Variants in HECW1 observed in about 807,000 individuals in gnomAD.
The protein encoded by HECW1 is E3 ubiquitin-protein ligase HECW1.
In HECW1, 61 loss-of-function variants were observed where a neutral mutation model predicts 182.3. The ratio of observed to expected loss-of-function variants is 0.33; its 90% CI spans 0.27 to 0.41. The LOEUF (loss-of-function observed/expected upper bound fraction) is 0.41, where lower values mean the gene tolerates loss of function less well. Ranked by LOEUF, HECW1 falls within the 10% of genes least tolerant of loss-of-function variation. The pLI, the probability that HECW1 is intolerant of heterozygous loss-of-function variation, is 1.00. For missense variants in HECW1, 1,739 were observed against 2,108.9 expected, an observed-to-expected ratio of 0.82 and a Z score of 3.44; for synonymous variants, 859 against 832.6, an observed-to-expected ratio of 1.03 and a Z score of -0.55.
rs73092857 is a variant in HECW1, at chr7:43,327,352, C to T, written c.460+6610C>T. 6.7e-3 allele frequency among the ~76,000 whole-genome samples: 1,024 copies of T among 152,242 alleles called. 7 individuals are homozygous for T. Among genetic ancestry groups the T allele is most frequent in the Middle Eastern group, 0.031 (9 of 294 alleles). On this transcript the variant is annotated intron_variant, in intron 5 of 29. Transcript: ENST00000395891. ...CCGTGGAAACCAAGACTCCCCCCAC[C>T]GCTGCCCACCCACTTTAGCACTACG...
chr7:43,560,297 C>A (rs2082167680), intron 29 of HECW1, among the ~76,000 whole-genome samples: 1 of 152,142 alleles, frequency 6.6e-6, no homozygotes, highest in African/African-American at 2.4e-5. Context: ...CAATTATTTT[C>A]TTTTAAAGTA....
intron 6 of HECW1, among the ~76,000 whole-genome samples, chr7:43,371,456 G>A (rs2152819928): frequency 6.6e-6 from 1 of 152,194 alleles, no homozygotes. Context: ...ACCTAAACCT[G>A]CTGTAAAATA....
At chr7:43,484,117 A>G (rs1384065591) in intron 17 of HECW1, 1 of 152,224 alleles carries the variant, frequency 6.6e-6, no homozygotes, top group Non-Finnish European at 1.5e-5. Context: ...GCTGAGTATC[A>G]ATCATTGTTC....
At chr7:43,526,826 C>G (rs1030142397) in intron 24 of HECW1, among the ~76,000 whole-genome samples, 1 of 152,136 alleles carries the variant, frequency 6.6e-6, no homozygotes, top group Non-Finnish European at 1.5e-5. Context: ...CATAGCAAGA[C>G]CTGTCTCTAC....
chr7:43,301,888 A>G (rs957324413), intron 3 of HECW1, among the ~76,000 whole-genome samples: 5 of 151,810 alleles, frequency 3.3e-5, no homozygotes, highest in East Asian at 1.9e-4. Context: ...AAAAAAAAAA[A>G]AAGAAGCAGG....
rs1478099010 is a variant in HECW1, at chr7:43,432,978, A to G, written c.802-5025A>G. ...TAACATCCTCCTATATTGCAGCACC[A>G]GTGCTAATATCTCTCTGGACGATTG... On this transcript the variant is annotated intron_variant, in intron 8 of 29. Transcript: ENST00000395891. The surrounding 1 kb of genome is among the most constrained non-coding windows in gnomAD (Gnocchi z 4.1). 6.6e-6 allele frequency among the ~76,000 whole-genome samples: 1 copy of G among 152,250 alleles called. No homozygotes were observed. The highest frequency in any genetic ancestry group is 1.5e-5 in the Non-Finnish European group (1 of 68,046).
rs969948805 is a variant in HECW1, at chr7:43,546,845, A to C, written c.4249-3600A>C. Among the ~76,000 whole-genome samples, 5 of 152,228 alleles carry C rather than the reference A, an allele frequency of 3.3e-5. No individual in the cohort carries two copies. In the East Asian group the frequency reaches 9.6e-4, roughly 29 times the overall value. On this transcript the variant is annotated intron_variant, in intron 26 of 29. Coordinates refer to ENST00000395891, the MANE Select transcript of HECW1 (RefSeq NM_015052.5). ...TCCAAATGTGTTTGCACAAAACAGCAGAGTTAGCCTATCACTTCCTGCCCT... is the reference window on the plus strand; with the variant it reads ...TCCAAATGTGTTTGCACAAAACAGCCGAGTTAGCCTATCACTTCCTGCCCT...
intron 3 of HECW1, among the ~76,000 whole-genome samples, chr7:43,283,126 A>G (rs1184172735): frequency 2.6e-5 from 4 of 151,746 alleles, no homozygotes; most frequent in Non-Finnish European, 1.5e-5. Flanking sequence ...CTATCTCCAA[A>G]AAAAAAAAGA....
chr7:43,468,640 C>T (rs954295769), intron 15 of HECW1, among the ~76,000 whole-genome samples: 3 of 152,158 alleles, frequency 2.0e-5, no homozygotes, highest in African/African-American at 7.2e-5. Flanking sequence ...CCCACCTCAG[C>T]CTCCCAAGTA....
At chr7:43,164,724 G>T (rs531387452) in intron 2 of HECW1, among the ~76,000 whole-genome samples, 281 of 152,348 alleles carry the variant, frequency 1.8e-3, no homozygotes, top group African/African-American at 6.4e-3. Context: ...AGAAAGAGGC[G>T]AGGACAGAGA....
At chr7:43,489,070 TATTC>T (rs2078830991) in intron 17 of HECW1, among the ~76,000 whole-genome samples, 2 of 152,148 alleles carry the variant, frequency 1.3e-5, no homozygotes, top group African/African-American at 2.4e-5. Flanking sequence ...TTCAAAGCCT[TATTC>T]ATTTCTGGGT....
At chr7:43,344,799 A>G (rs768707827) in intron 5 of HECW1, among the ~76,000 whole-genome samples, 2 of 151,154 alleles carry the variant, frequency 1.3e-5, no homozygotes, top group Non-Finnish European at 2.9e-5. Flanking sequence ...CTACTGTTAA[A>G]CCTATTCATT....
intron 3 of HECW1, among the ~76,000 whole-genome samples, chr7:43,292,936 G>C (rs1477739019): frequency 6.6e-6 from 1 of 152,232 alleles, no homozygotes; most frequent in South Asian, 2.1e-4. Context: ...CGAAAGCTGG[G>C]ATTTATTGAA....
intron 2 of HECW1, among the ~76,000 whole-genome samples, chr7:43,200,486 T>C (rs919816236): frequency 2.0e-5 from 3 of 152,214 alleles, no homozygotes; most frequent in Admixed American, 6.5e-5. Context: ...AGATTTCTTC[T>C]CTGTTGGGTA....
chr7:43,131,726 C>G (rs1372653116), intron 2 of HECW1, among the ~76,000 whole-genome samples: 3 of 152,214 alleles, frequency 2.0e-5, no homozygotes. Context: ...GATTTAAACC[C>G]TTTTAGTTTT....
intron 5 of HECW1, among the ~76,000 whole-genome samples, chr7:43,353,039 A>C (rs1366390621): frequency 3.3e-5 from 5 of 152,192 alleles, no homozygotes; most frequent in Non-Finnish European, 7.4e-5. Flanking sequence ...ACATGCCCTT[A>C]AATAAAGATT....
At chr7:43,310,653 C>T (rs1029233513) in intron 3 of HECW1, among the ~76,000 whole-genome samples, 3 of 152,174 alleles carry the variant, frequency 2.0e-5, no homozygotes, top group African/African-American at 7.2e-5. Flanking sequence ...GGAAAAAGTG[C>T]AGGCCTAAAT....
At chr7:43,332,286 A>C (rs1008176901) in intron 5 of HECW1, among the ~76,000 whole-genome samples, 2 of 152,186 alleles carry the variant, frequency 1.3e-5, no homozygotes, top group African/African-American at 4.8e-5. Context: ...AAAATCACAG[A>C]CACACGGAGC....
intron 24 of HECW1, among the ~76,000 whole-genome samples, chr7:43,529,580 C>T (rs2080899045): frequency 1.3e-5 from 2 of 152,210 alleles, no homozygotes. Context: ...ATCACGTCCA[C>T]TGTGAGATGA....
Sources: gnomAD v4.1 joint callset for allele counts (sites outside exome capture counted in the v4.1 genomes callset) on GRCh38, gnomAD v4.1.1 for gene constraint, Gnocchi (gnomAD v3.1) non-coding constraint, MANE v1.5 for transcripts, NCBI Gene and HGNC (gene_info 2026-07-23, HGNC 2026-07-21) for gene names.